Variants in PAPPA2 observed in about 807,000 individuals in gnomAD.
PAPPA2 encodes the protein pappalysin 2.
In PAPPA2, 86 loss-of-function variants were observed where a neutral mutation model predicts 176.4. The ratio of observed to expected loss-of-function variants is 0.49; its 90% CI spans 0.41 to 0.58. The LOEUF (loss-of-function observed/expected upper bound fraction) is 0.58, where lower values mean the gene tolerates loss of function less well. Ranked by LOEUF, PAPPA2 falls within the 20% of genes least tolerant of loss-of-function variation. PAPPA2 has a pLI of 0.00. For missense variants in PAPPA2, 2,073 were observed against 2,256.9 expected (o/e 0.92, Z 1.65); for synonymous variants, 809 against 852.2 (o/e 0.95, Z 0.88).
At chr1:176,566,101 G>T (rs549738525) in intron 2 of PAPPA2, among the ~76,000 whole-genome samples, 50 of 152,292 alleles carry the variant, frequency 3.3e-4, no homozygotes, top group Non-Finnish European at 5.9e-4. Flanking sequence ...GAGAAACCGA[G>T]GGGAGAAGGG....
chr1:176,732,930 G>A (rs904139847), intron 12 of PAPPA2, among the ~76,000 whole-genome samples: 18 of 152,162 alleles, frequency 1.2e-4, no homozygotes, highest in Admixed American at 3.3e-4. Flanking sequence ...GGTGAGAATT[G>A]GGTGAAAGAA....
intron 3 of PAPPA2, among the ~76,000 whole-genome samples, chr1:176,640,635 T>C (rs1657022905): frequency 1.3e-5 from 2 of 151,018 alleles, no homozygotes; most frequent in African/African-American, 2.4e-5. Context: ...TTGTGAATAG[T>C]GCCGCAATAA....
intron 15 of PAPPA2, among the ~76,000 whole-genome samples, chr1:176,768,996 A>G (rs1664099898): frequency 6.6e-6 from 1 of 152,228 alleles, no homozygotes; most frequent in African/African-American, 2.4e-5. Context: ...ATGTGCAGGC[A>G]GGATATAGGA....
At chr1:176,509,800 T>G in intron 1 of PAPPA2, among the ~76,000 whole-genome samples, 1 of 151,472 alleles carries the variant, frequency 6.6e-6, no homozygotes, top group East Asian at 1.9e-4. Flanking sequence ...CCTGGAAATT[T>G]GAGAACAGCC....
In PAPPA2 at chr1:176,737,124, G is replaced by T. The variant is rs187645187; in HGVS notation, c.3799-2502G>T. Among the ~76,000 whole-genome samples, 38 of 151,460 alleles carry T rather than the reference G, an allele frequency of 2.5e-4. 1 individual carries two copies. The highest frequency in any genetic ancestry group is 2.4e-3 in the Admixed American group (37 of 15,202). On this transcript the variant is annotated intron_variant, in intron 12 of 22. Coordinates refer to ENST00000367662, the MANE Select transcript of PAPPA2 (RefSeq NM_020318.3). ...CACTGAATTCTTACTAAATAATAGT[G>T]ACCATTCTATGTATTTTTACCTGAT...
intron 4 of PAPPA2, among the ~76,000 whole-genome samples, chr1:176,688,576 A>G (rs1488157103): frequency 5.9e-5 from 9 of 152,258 alleles, no homozygotes; most frequent in Non-Finnish European, 7.3e-5. Context: ...GGATAAGTTT[A>G]GAGAATAACA....
chr1:176,719,624 C>T (rs1021919034), intron 12 of PAPPA2, among the ~76,000 whole-genome samples: 8 of 152,170 alleles, frequency 5.3e-5, no homozygotes, highest in South Asian at 4.1e-4. Context: ...TCATTTATAT[C>T]GATAATTTCA....
At chr1:176,587,456 T>C (rs1216410855) in intron 2 of PAPPA2, among the ~76,000 whole-genome samples, 1 of 152,236 alleles carries the variant, frequency 6.6e-6, no homozygotes, top group African/African-American at 2.4e-5. Flanking sequence ...CATCTTGAGT[T>C]AATTTTTGTG....
intron 1 of PAPPA2, among the ~76,000 whole-genome samples, chr1:176,480,291 G>A (rs952084325): frequency 5.9e-5 from 9 of 152,162 alleles, no homozygotes; most frequent in Admixed American, 2.0e-4. Flanking sequence ...AAAGGGCAGC[G>A]CTGGATAAGT....
At chr1:176,507,695 A>G (rs1648355832) in intron 1 of PAPPA2, among the ~76,000 whole-genome samples, 1 of 152,108 alleles carries the variant, frequency 6.6e-6, no homozygotes, top group South Asian at 2.1e-4. Flanking sequence ...AGAAAGCTAA[A>G]TACCATAGGT....
chr1:176,697,004 C>T (rs1660417925), intron 7 of PAPPA2, among the ~76,000 whole-genome samples: 1 of 152,136 alleles, frequency 6.6e-6, no homozygotes, highest in Admixed American at 6.5e-5. Flanking sequence ...CTGCATTGGA[C>T]TCTAAACAGA....
chr1:176,557,984 T>G (rs1481061585), intron 2 of PAPPA2, among the ~76,000 whole-genome samples: 1 of 152,156 alleles, frequency 6.6e-6, no homozygotes, highest in Non-Finnish European at 1.5e-5. Context: ...TGACCCACAT[T>G]TGTTTGCACT....
chr1:176,814,611 T>A (rs1333630908), intron 21 of PAPPA2, among the ~76,000 whole-genome samples: 1 of 152,244 alleles, frequency 6.6e-6, no homozygotes, highest in East Asian at 1.9e-4. Context: ...ACAGGAATGC[T>A]AATGATTTTT....
rs1166017450 is a variant in PAPPA2 at position 176,690,410 on chromosome 1, C to A, written c.2411C>A (p.Thr804Asn). Residue 804 changes from threonine to asparagine, a missense_variant, in exon 5 of 23, where the codon ACC (threonine) becomes AAC (asparagine). Physicochemically the swap from Thr to Asn is moderately conservative, Grantham distance 65. Around this residue, in one of 4 missense-constraint regions of PAPPA2, gnomAD observed 1,196 missense variants for 1,330.4 expected, o/e 0.90. Transcript: ENST00000367662. ...GFTRFPGAPF[T>N]NYMSYTDDNC... ...ACTCGCTTCCCAGGGGCTCCGTTCA[C>A]CAACTACATGAGCTACACGGGTATC... is the stretch of plus-strand genomic sequence containing the variant. The A allele has an allele frequency of 1.2e-6, 2 of 1,614,136 alleles. No homozygotes were observed. The highest frequency in any genetic ancestry group is 8.5e-7 in the Non-Finnish European group (1 of 1,180,006).
chr1:176,503,266 A>T (rs1230428703), intron 1 of PAPPA2, among the ~76,000 whole-genome samples: 1 of 152,176 alleles, frequency 6.6e-6, no homozygotes, highest in Non-Finnish European at 1.5e-5. Context: ...AGTGATGAAG[A>T]TGAGGCATCT....
chr1:176,671,926 G>A (rs1659028617), intron 4 of PAPPA2, among the ~76,000 whole-genome samples: 1 of 109,110 alleles, frequency 9.2e-6, no homozygotes, highest in Non-Finnish European at 1.8e-5. Context: ...TGGGGGGAGG[G>A]GGGAGGGATA....
intron 1 of PAPPA2, among the ~76,000 whole-genome samples, chr1:176,539,946 T>C (rs888777466): frequency 3.3e-5 from 5 of 152,222 alleles, no homozygotes; most frequent in African/African-American, 1.2e-4. Context: ...AGTATTTGTT[T>C]TCATTGTCTC....
At chr1:176,644,260 A>G (rs770574818) in intron 3 of PAPPA2, among the ~76,000 whole-genome samples, 2 of 151,768 alleles carry the variant, frequency 1.3e-5, no homozygotes, top group Non-Finnish European at 1.5e-5. Context: ...AGTGAGACTC[A>G]GGCAGGTTCA....
intron 4 of PAPPA2, among the ~76,000 whole-genome samples, chr1:176,672,861 A>C (rs1175704545): frequency 2.0e-5 from 3 of 152,148 alleles, no homozygotes; most frequent in South Asian, 2.1e-4. Flanking sequence ...TTTAGTTCTC[A>C]GTACATGAGA....
Sources: allele counts gnomAD v4.1 joint callset (sites outside exome capture counted in the v4.1 genomes callset), GRCh38; gene constraint gnomAD v4.1.1; regional missense constraint gnomAD v4.1.1; transcripts MANE v1.5; gene names NCBI Gene and HGNC (gene_info 2026-07-23, HGNC 2026-07-21).